The following MKLN1 variants were observed in gnomAD, a reference collection of about 807,000 sequenced individuals.
MKLN1 encodes the protein muskelin 1, also known as muskelin.
Under a neutral mutation model 99.0 loss-of-function variants are expected in MKLN1, and 18 were observed. That is an observed-to-expected ratio of 0.18 (90% CI 0.13 to 0.27). MKLN1 has a LOEUF of 0.27. MKLN1 is among the 10% of genes least tolerant of loss of function. The probability of loss-of-function intolerance (pLI) is 1.00; values close to 1 mark genes in which losing one functional copy is unlikely to be tolerated. For synonymous variants in MKLN1, 288 were observed against 293.2 expected, an observed-to-expected ratio of 0.98 and a Z score of 0.18; for missense variants, 621 against 875.9, an observed-to-expected ratio of 0.71 and a Z score of 3.67.
At position 131,327,920 on chromosome 7, in the gene MKLN1, C is replaced by G. The variant is rs142689824; in HGVS notation, c.21C>G (p.Val7=). 52 of 1,612,906 alleles carry G rather than the reference C, an allele frequency of 3.2e-5. No homozygotes were observed. Among genetic ancestry groups the G allele is most frequent in the African/African-American group, 2.1e-4 (16 of 75,026 alleles). MAAGGA[V]AAAPECRLLP... is the part of the protein sequence containing the mutation. ...ACAAGATGGCGGCTGGCGGAGCTGT[C>G]GCTGCGGCGCCCGAGTGCCGGCTTC... Residue 7 remains valine (V), a synonymous_variant, in exon 1 of 18, where the codon GTC becomes GTG. Coordinates refer to ENST00000352689, the MANE Select transcript of MKLN1 (RefSeq NM_013255.5).
intron 1 of MKLN1, among the ~76,000 whole-genome samples, chr7:131,340,275 CTTTTT>C (rs398006316): frequency 2.4e-5 from 2 of 85,050 alleles, no homozygotes; most frequent in African/African-American, 4.7e-5. Context: ...GTAATTACGG[CTTTTT>C]TTTTTTTTTT....
At position 131,432,171 on chromosome 7, in the gene MKLN1, CTCTTTAGTGAGTAA is replaced by C. The variant is rs752655565; in HGVS notation, c.960+3027_960+3040del. 7.9e-4 allele frequency among the ~76,000 whole-genome samples: 120 copies of C among 152,172 alleles called. 1 individual carries two copies. The highest frequency in any genetic ancestry group is 2.1e-3 in the Admixed American group (32 of 15,276). On this transcript the variant is annotated intron_variant, in intron 9 of 17. Transcript: ENST00000352689. The stretch of plus-strand genomic sequence containing the variant: ...TATTTTAAGGATGTGCACGTTCTTA[CTCTTTAGTGAGTAA>C]GTAGGTGAGGTAAGTTAAATGAGAA...
Position 131,142,822 on chromosome 7 carries a change from T to C in MKLN1, c.-416T>C, listed in dbSNP as rs1795756571. On this transcript the variant is annotated splice_region_variant and 5_prime_UTR_variant, in exon 2 of 8. Transcript: ENST00000416992. ...TCCCTTGTGGGCTTCTTTTCCAGAGTTCCATATCCAGACTCTCAAACCATG... is the reference window on the plus strand; with the variant it reads ...TCCCTTGTGGGCTTCTTTTCCAGAGCTCCATATCCAGACTCTCAAACCATG... 6.2e-6 allele frequency: 6 copies of C among 962,102 alleles called. No individual in the cohort carries two copies. In the South Asian group the frequency reaches 7.1e-5, roughly 11 times the overall value. The allele number at this position is 962,102 out of a possible 1,614,324, so 59.6% of individuals were successfully genotyped here.
intron 1 of MKLN1, among the ~76,000 whole-genome samples, chr7:131,348,505 T>C (rs1457516490): frequency 6.6e-6 from 1 of 151,990 alleles, no homozygotes; most frequent in East Asian, 1.9e-4. Context: ...TTTTAATAGT[T>C]TTAAGAGTTA....
intron 2 of MKLN1, among the ~76,000 whole-genome samples, chr7:131,170,207 C>G (rs546437815): frequency 6.6e-6 from 1 of 152,256 alleles, no homozygotes; most frequent in Admixed American, 6.5e-5. Flanking sequence ...TGTGAGCCAG[C>G]CTTCACTGCA....
intron 3 of MKLN1, among the ~76,000 whole-genome samples, chr7:131,244,493 G>A (rs1797455367): frequency 6.6e-6 from 1 of 152,074 alleles, no homozygotes; most frequent in African/African-American, 2.4e-5. Flanking sequence ...TCACTCATTA[G>A]CGGAACTCAG....
At chr7:131,358,573 A>G (rs910187143) in intron 1 of MKLN1, among the ~76,000 whole-genome samples, 1 of 152,130 alleles carries the variant, frequency 6.6e-6, no homozygotes, top group Non-Finnish European at 1.5e-5. Context: ...TTCCTCTGCT[A>G]TTCTTTTCTG....
chr7:131,216,779 GA>G, intron 3 of MKLN1, among the ~76,000 whole-genome samples: 2 of 152,258 alleles, frequency 1.3e-5, no homozygotes, highest in South Asian at 4.1e-4. Context: ...TTCTGCACCC[GA>G]AAAAACTGAG....
At position 131,463,453 on chromosome 7, in the gene MKLN1, AC is replaced by A. The variant is rs1434553006; in HGVS notation, c.1673+90del. The A allele has an allele frequency of 2.0e-5, 26 of 1,325,330 alleles. No individual in the cohort carries two copies. In the African/African-American group the frequency reaches 3.5e-4, roughly 18 times the overall value. The allele number at this position is 1,325,330 out of a possible 1,614,324, so 82.1% of individuals were successfully genotyped here. On this transcript the variant is annotated intron_variant, in intron 13 of 17. Coordinates refer to ENST00000352689, the MANE Select transcript of MKLN1 (RefSeq NM_013255.5). ...CAAAAAAGAGAGAAATGAGAGTATT[AC>A]GTTAATTTGTGACATTGTATATTTA...
intron 2 of MKLN1, among the ~76,000 whole-genome samples, chr7:131,187,825 G>A (rs571639872): frequency 5.3e-5 from 8 of 152,228 alleles, no homozygotes; most frequent in African/African-American, 1.4e-4. Context: ...GCATGGTGGC[G>A]CATGCCTGTA....
chr7:131,224,928 C>T (rs1162780366), intron 3 of MKLN1, among the ~76,000 whole-genome samples: 1 of 152,002 alleles, frequency 6.6e-6, no homozygotes, highest in Non-Finnish European at 1.5e-5. Context: ...AAAAAATTAG[C>T]TGGGCATGGT....
chr7:131,366,362 T>C (rs1800180751), intron 1 of MKLN1, among the ~76,000 whole-genome samples: 1 of 152,210 alleles, frequency 6.6e-6, no homozygotes, highest in African/African-American at 2.4e-5. Flanking sequence ...CTTTTCTTCA[T>C]ATAAAAATTA....
At chr7:131,112,779 CA>C (rs904241925) in intron 1 of MKLN1, among the ~76,000 whole-genome samples, 2 of 152,028 alleles carry the variant, frequency 1.3e-5, no homozygotes, top group Admixed American at 1.3e-4. Context: ...AAGGGGTGTA[CA>C]AAAAAATAAT....
intron 3 of MKLN1, among the ~76,000 whole-genome samples, chr7:131,289,919 T>C (rs1177279726): frequency 1.3e-5 from 2 of 152,218 alleles, no homozygotes; most frequent in East Asian, 1.9e-4. Flanking sequence ...TTTTTGTTTG[T>C]TGTTCTTCTA....
intron 3 of MKLN1, among the ~76,000 whole-genome samples, chr7:131,252,197 C>T (rs1797591113): frequency 6.6e-6 from 1 of 152,114 alleles, no homozygotes; most frequent in South Asian, 2.1e-4. Context: ...CTCACAGATG[C>T]ATGGTGTCCA....
intron 14 of MKLN1, among the ~76,000 whole-genome samples, chr7:131,465,415 A>G (rs1400715093): frequency 2.0e-5 from 3 of 152,240 alleles, no homozygotes; most frequent in African/African-American, 7.2e-5. Flanking sequence ...TAGTGAAATC[A>G]TTATAAATTC....
chr7:131,466,430 C>G lies in MKLN1; in HGVS notation c.1928+15C>G. The G allele has an allele frequency of 6.6e-7, 1 of 1,513,242 alleles. No individual in the cohort carries two copies. Among genetic ancestry groups the G allele is most frequent in the Non-Finnish European group, 9.0e-7 (1 of 1,116,400 alleles). The allele number at this position is 1,513,242 out of a possible 1,614,324, so 93.7% of individuals were successfully genotyped here. ...AGAAAACACAGGTATGAAAATAATT[C>G]ACTGAAAACATTTAATTAACATTAT... On this transcript the variant is annotated intron_variant, in intron 15 of 17. Transcript: ENST00000352689.
intron 8 of MKLN1, among the ~76,000 whole-genome samples, chr7:131,425,541 C>G (rs912608033): frequency 6.6e-6 from 1 of 152,132 alleles, no homozygotes; most frequent in Non-Finnish European, 1.5e-5. Flanking sequence ...GGGACTATGT[C>G]TTCTTTCTTT....
At chr7:131,192,085 AT>A (rs1333738836) in intron 2 of MKLN1, among the ~76,000 whole-genome samples, 44 of 82,302 alleles carry the variant, frequency 5.3e-4, no homozygotes, top group African/African-American at 1.9e-3. Context: ...ATACATATAT[AT>A]TATATATATA....
Sources: allele counts gnomAD v4.1 joint callset (sites outside exome capture counted in the v4.1 genomes callset), GRCh38; gene constraint gnomAD v4.1.1; transcripts MANE v1.5; gene names NCBI Gene and HGNC (gene_info 2026-07-23, HGNC 2026-07-21).